PRKCA: variants seen among roughly 807,000 people sequenced by gnomAD.
PRKCA encodes protein kinase C alpha.
PRKCA carries 27 observed loss-of-function variants against 87.0 expected under a neutral mutation model. The ratio of observed to expected loss-of-function variants is 0.31; its 90% CI spans 0.23 to 0.43. The LOEUF is 0.43. Among genes scored for constraint, PRKCA ranks in the 20% least tolerant of loss-of-function variants. PRKCA has a pLI of 1.00. For missense variants in PRKCA, 518 were observed against 852.3 expected, an observed-to-expected ratio of 0.61 and a Z score of 4.88; for synonymous variants, 329 against 311.1, an observed-to-expected ratio of 1.06 and a Z score of -0.61.
intron 2 of PRKCA, among the ~76,000 whole-genome samples, chr17:66,461,869 TCGA>T (rs1473257438): frequency 7.4e-6 from 1 of 135,916 alleles, no homozygotes. Flanking sequence ...TTCCTAACTA[TCGA>T]GGAGGAGACT....
chr17:66,763,840 C>A lies in PRKCA; in HGVS notation c.1525-10147C>A, dbSNP rs566567981. ...AGGAGAGTGAATCTCCACACACGTA[C>A]TTTATAGGTCCGTGGGTTCCTTCAA... On this transcript the variant is annotated intron_variant, in intron 13 of 16. Coordinates refer to ENST00000413366, the MANE Select transcript of PRKCA (RefSeq NM_002737.3). Among the ~76,000 whole-genome samples the A allele has an allele frequency of 2.0e-5, 3 of 152,248 alleles. No individual in the cohort carries two copies. In the East Asian group the frequency reaches 5.8e-4, roughly 30 times the overall value.
At chr17:66,702,831 G>A (rs1157255546) in intron 8 of PRKCA, among the ~76,000 whole-genome samples, 1 of 152,184 alleles carries the variant, frequency 6.6e-6, no homozygotes, top group East Asian at 1.9e-4. Flanking sequence ...TTAGGCTATA[G>A]GGTGTAACCT....
chr17:66,486,390 T>C (rs57692566), intron 2 of PRKCA, among the ~76,000 whole-genome samples: 21,253 of 152,192 alleles, frequency 0.14, 1,795 homozygotes, highest in East Asian at 0.3. Context: ...GCTGTCATCA[T>C]CTGCATCCTT....
intron 2 of PRKCA, among the ~76,000 whole-genome samples, chr17:66,472,743 A>G (rs985413113): frequency 6.6e-6 from 1 of 152,210 alleles, no homozygotes; most frequent in Non-Finnish European, 1.5e-5. Context: ...ATCTTTTGGG[A>G]TTATGTGAGG....
intron 2 of PRKCA, among the ~76,000 whole-genome samples, chr17:66,344,666 G>T (rs1907250342): frequency 1.3e-5 from 2 of 152,192 alleles, no homozygotes; most frequent in South Asian, 4.1e-4. Context: ...GCTAGTAAGT[G>T]GCAGAACTGT....
At chr17:66,483,997 A>G (rs1915894122) in intron 2 of PRKCA, among the ~76,000 whole-genome samples, 1 of 152,170 alleles carries the variant, frequency 6.6e-6, no homozygotes, top group South Asian at 2.1e-4. Flanking sequence ...TTAAGAAAAA[A>G]AAAGTTTAAT....
At position 66,406,585 on chromosome 17, in the gene PRKCA, G is replaced by GTTTTTTTTTTTTTTTTTTTT. The variant is rs71160568; in HGVS notation, c.206-89611_206-89592dup. The stretch of plus-strand genomic sequence containing the variant: ...TCATGTAGCATTGTAGCTTTTCCAG[G>GTTTTTTTTTTTTTTTTTTTT]TTTTTTTTTTTTTTTTTTTTTTTTA... On this transcript the variant is annotated intron_variant, in intron 2 of 16. Coordinates refer to ENST00000413366, the MANE Select transcript of PRKCA (RefSeq NM_002737.3). Among the ~76,000 whole-genome samples the GTTTTTTTTTTTTTTTTTTTT allele has an allele frequency of 1.3e-3, 88 of 70,182 alleles. 17 individuals carry two copies. Among genetic ancestry groups the GTTTTTTTTTTTTTTTTTTTT allele is most frequent in the Admixed American group, 1.5e-3 (6 of 4,042 alleles). The allele number at this position is 70,182 out of a possible 152,430, so 46.0% of individuals were successfully genotyped here. A position where few individuals can be genotyped will look rare whatever the true frequency, so the allele number is the denominator to read the frequency against.
At chr17:66,658,131 G>A (rs561547309) in intron 5 of PRKCA, among the ~76,000 whole-genome samples, 11 of 152,094 alleles carry the variant, frequency 7.2e-5, no homozygotes, top group African/African-American at 2.7e-4. Context: ...TTCACGTGGC[G>A]GCAGGAAGGA....
chr17:66,649,109 A>G (rs541187394), intron 5 of PRKCA, among the ~76,000 whole-genome samples: 26 of 152,086 alleles, frequency 1.7e-4, no homozygotes, highest in East Asian at 3.9e-4. Context: ...AAAAAAAAAA[A>G]AAAGAAAGAA....
intron 3 of PRKCA, among the ~76,000 whole-genome samples, chr17:66,562,448 T>C (rs1968742397): frequency 6.6e-6 from 1 of 151,926 alleles, no homozygotes; most frequent in Admixed American, 6.6e-5. Context: ...TCAGGCACCC[T>C]GGAGGACACC....
At chr17:66,493,607 A>G (rs1221825376) in intron 2 of PRKCA, among the ~76,000 whole-genome samples, 3 of 151,934 alleles carry the variant, frequency 2.0e-5, no homozygotes, top group East Asian at 1.9e-4. Context: ...TTCACTGTAC[A>G]GCATGCTAGA....
chr17:66,618,174 G>A (rs371532434), intron 3 of PRKCA, among the ~76,000 whole-genome samples: 7 of 152,114 alleles, frequency 4.6e-5, no homozygotes, highest in African/African-American at 1.7e-4. Context: ...GACCAACATG[G>A]CAAAACCCCG....
rs376472217 is a variant in PRKCA at position 66,645,417 on chromosome 17, C to G, written c.435C>G (p.Ile145Met). 43 of 1,614,096 alleles carry G rather than the reference C, an allele frequency of 2.7e-5. 1 individual carries two copies. The highest frequency in any genetic ancestry group is 3.6e-5 in the Non-Finnish European group (42 of 1,180,042). The change falls in exon 5 of 17, where the codon ATC (isoleucine) becomes ATG (methionine). Residue 145 changes from isoleucine (I) to methionine (M), a missense_variant. By Grantham distance (10) the Ile-to-Met change is conservative. This residue lies in a region of PRKCA where 300 missense variants were observed against 496.8 expected (regional missense o/e 0.60). Transcript: ENST00000413366. ...CDMNVHKQCVINVPSLCGMDH... is the reference protein window; with the variant it reads ...CDMNVHKQCVMNVPSLCGMDH... ...TGAACGTTCACAAGCAATGCGTCAT[C>G]AATGTCCCCAGCCTCTGCGGAATGG...
intron 5 of PRKCA, among the ~76,000 whole-genome samples, chr17:66,679,349 T>C (rs1972428634): frequency 6.6e-6 from 1 of 151,988 alleles, no homozygotes; most frequent in Admixed American, 6.6e-5. Context: ...CCCGGCTAAT[T>C]TTTTTGTATT....
chr17:66,487,101 C>T (rs961544915), intron 2 of PRKCA, among the ~76,000 whole-genome samples: 9 of 152,262 alleles, frequency 5.9e-5, no homozygotes, highest in African/African-American at 2.2e-4. Context: ...ACTATAATTT[C>T]CCTGCTGTGC....
intron 2 of PRKCA, among the ~76,000 whole-genome samples, chr17:66,371,271 C>T (rs1003389949): frequency 1.3e-5 from 2 of 152,204 alleles, no homozygotes; most frequent in African/African-American, 4.8e-5. Flanking sequence ...AGTCACTGAT[C>T]AGGTTGAGAG....
At chr17:66,533,198 G>A (rs1331774724) in intron 3 of PRKCA, among the ~76,000 whole-genome samples, 1 of 152,168 alleles carries the variant, frequency 6.6e-6, no homozygotes, top group Non-Finnish European at 1.5e-5. Context: ...TAAAGTCATA[G>A]GCCCCTTTTT....
intron 2 of PRKCA, among the ~76,000 whole-genome samples, chr17:66,466,895 T>A (rs930047011): frequency 6.6e-6 from 1 of 152,046 alleles, no homozygotes; most frequent in Non-Finnish European, 1.5e-5. Context: ...AAGACTTAAA[T>A]TACTCATGCC....
At chr17:66,797,736 C>A (rs1028742353) in intron 16 of PRKCA, among the ~76,000 whole-genome samples, 2 of 152,216 alleles carry the variant, frequency 1.3e-5, no homozygotes, top group Non-Finnish European at 2.9e-5. Flanking sequence ...GTGCCGACAT[C>A]GCCTGGTCTC....
Sources: gnomAD v4.1 joint callset for allele counts (sites outside exome capture counted in the v4.1 genomes callset) on GRCh38, gnomAD v4.1.1 for gene constraint, gnomAD v4.1.1 regional missense constraint, MANE v1.5 for transcripts, NCBI Gene and HGNC (gene_info 2026-07-23, HGNC 2026-07-21) for gene names.